Variants in IGF2R observed in about 807,000 individuals in gnomAD.
The protein encoded by IGF2R is insulin like growth factor 2 receptor, also known as cation-independent mannose-6-phosphate receptor.
In IGF2R, 91 loss-of-function variants were observed where a neutral mutation model predicts 270.6. The observed-to-expected ratio is 0.34, with a 90% CI of 0.28 to 0.40. The LOEUF is 0.40. Among genes scored for constraint, IGF2R ranks in the 10% least tolerant of loss-of-function variants. The pLI is 1.00. For synonymous variants in IGF2R, 1,316 were observed against 1,258.9 expected, an observed-to-expected ratio of 1.05 and a Z score of -0.96; for missense variants, 2,805 against 3,188.3, an observed-to-expected ratio of 0.88 and a Z score of 2.90.
chr6:160,033,572 C>T (rs773214945), intron 9 of IGF2R, among the ~76,000 whole-genome samples: 7 of 152,342 alleles, frequency 4.6e-5, no homozygotes, highest in South Asian at 2.1e-4. Context: ...GGCAAGTTGC[C>T]GTTTGTCACT....
At chr6:159,970,096 G>T (rs1037754912) in intron 1 of IGF2R, among the ~76,000 whole-genome samples, 1 of 152,054 alleles carries the variant, frequency 6.6e-6, no homozygotes, top group East Asian at 1.9e-4. Flanking sequence ...TTGTCTCCGG[G>T]GCGGATTATT....
At chr6:160,068,043 G>A (rs1210361859) in intron 29 of IGF2R, among the ~76,000 whole-genome samples, 8 of 149,246 alleles carry the variant, frequency 5.4e-5, no homozygotes, top group Non-Finnish European at 1.2e-4. Context: ...GGGAAGTTAT[G>A]TTGTTGCTGA....
chr6:160,049,385 G>C (rs1308304136), intron 18 of IGF2R, among the ~76,000 whole-genome samples: 1 of 152,170 alleles, frequency 6.6e-6, no homozygotes, highest in Non-Finnish European at 1.5e-5. Context: ...AATGTGCATA[G>C]TACCCGACAA....
At chr6:160,083,883 A>G in intron 39 of IGF2R, 67 bp from the exon 40 acceptor site, 2 of 1,078,270 alleles carry the variant, frequency 1.9e-6, no homozygotes, top group South Asian at 1.3e-5. Flanking sequence ...GGAGTCTCTT[A>G]TGTCTTCCCT....
In IGF2R at chr6:160,102,699, C is replaced by CG; in HGVS notation, c.6995+31dup. 6.4e-7 allele frequency: 1 copy of CG among 1,561,124 alleles called. No individual in the cohort carries two copies. The highest frequency in any genetic ancestry group is 8.7e-7 in the Non-Finnish European group (1 of 1,148,080). On this transcript the variant is annotated intron_variant, in intron 46 of 47. Transcript: ENST00000356956. The surrounding 1 kb of genome is among the most constrained non-coding windows in gnomAD (Gnocchi z 4.5). Reference sequence around the variant, plus strand: ...AAGCGGGTGGCAGGGCGAGGTGGGGCGGGTGGATGCATGCCTCCCATAGCT... The same window carrying CG: ...AAGCGGGTGGCAGGGCGAGGTGGGGCGGGGTGGATGCATGCCTCCCATAGCT...
At chr6:159,980,815 G>A (rs902040710) in intron 1 of IGF2R, among the ~76,000 whole-genome samples, 1 of 152,210 alleles carries the variant, frequency 6.6e-6, no homozygotes, top group Admixed American at 6.5e-5. Context: ...TGCGCTGGGG[G>A]CTGGATTGTC....
At chr6:160,057,232 G>A (rs560400686) in intron 20 of IGF2R, among the ~76,000 whole-genome samples, 87 of 152,284 alleles carry the variant, frequency 5.7e-4, no homozygotes, top group African/African-American at 1.9e-3. Context: ...CCTTCTGCCC[G>A]GGTCCATGCC....
At chr6:160,017,346 T>C (rs1010233119) in intron 4 of IGF2R, among the ~76,000 whole-genome samples, 2 of 152,234 alleles carry the variant, frequency 1.3e-5, no homozygotes, top group African/African-American at 4.8e-5. Flanking sequence ...ATGAACGAAG[T>C]GTTTGAGAAA....
At chr6:160,047,931 T>C in intron 17 of IGF2R, 24 bp downstream of exon 17, 2 of 1,465,476 alleles carry the variant, frequency 1.4e-6, no homozygotes, top group Non-Finnish European at 1.9e-6. Context: ...AGCTGCTCTG[T>C]TTTTGGCCTG....
In IGF2R at chr6:160,040,543, C is replaced by T. The variant is rs1343806558; in HGVS notation, c.1316-17C>T. On this transcript the variant is annotated splice_polypyrimidine_tract_variant and intron_variant, in intron 10 of 47. Coordinates refer to ENST00000356956, the MANE Select transcript of IGF2R (RefSeq NM_000876.4). ...GGTCACGTATGGAGTTTAAATTTCT[C>T]CTCTTGAATTGTGCAGGTAACGATG... is the stretch of plus-strand genomic sequence containing the variant. The T allele has an allele frequency of 1.2e-6, 2 of 1,612,608 alleles. No individual in the cohort carries two copies. The highest frequency in any genetic ancestry group is 2.2e-5 in the South Asian group (2 of 90,946).
At chr6:160,015,106 A>G (rs1471668291) in intron 4 of IGF2R, among the ~76,000 whole-genome samples, 1 of 152,238 alleles carries the variant, frequency 6.6e-6, no homozygotes, top group East Asian at 1.9e-4. Flanking sequence ...TTAGTGGGTT[A>G]GAGCATTCCT....
chr6:160,027,203 G>C lies in IGF2R; in HGVS notation c.665G>C (p.Gly222Ala). 1 of 1,614,222 alleles carries C rather than the reference G, an allele frequency of 6.2e-7. No individual in the cohort carries two copies. Among genetic ancestry groups the C allele is most frequent in the African/African-American group, 1.3e-5 (1 of 75,068 alleles). The change falls in exon 6 of 48, where the codon GGT becomes GCT. Residue 222 changes from glycine (G) to alanine (A), a missense_variant. Gly to Ala is a moderately conservative substitution (Grantham distance 60). Coordinates refer to ENST00000356956, the MANE Select transcript of IGF2R (RefSeq NM_000876.4). The part of the protein sequence containing the change: ...CRDIDTLRDP[G>A]SQLRACPPGT... ...TTTTCAGACACACTACGAGACCCAG[G>C]TTCACAGCTGCGGGCCTGTCCCCCC...
chr6:160,010,853 G>T (rs779673622), intron 4 of IGF2R, 68 bp downstream of exon 4: 35 of 889,910 alleles, frequency 3.9e-5, no homozygotes, highest in African/African-American at 6.7e-5. Context: ...TTCAAATACT[G>T]ATTCTAACCT....
intron 42 of IGF2R, 131 bp from the exon 43 acceptor site, chr6:160,088,976 A>G (rs995197424): frequency 1.2e-5 from 11 of 900,592 alleles, no homozygotes; most frequent in African/African-American, 3.4e-5. Context: ...TCGGGACCCA[A>G]CTGAAGTCTC....
Position 160,084,273 on chromosome 6 carries a change from C to G in IGF2R, c.6068+89C>G. 1.3e-6 allele frequency: 1 copy of G among 774,866 alleles called. No homozygotes were observed. Among genetic ancestry groups the G allele is most frequent in the Non-Finnish European group, 2.2e-6 (1 of 452,670 alleles). 48.0% of individuals were successfully genotyped at this position (774,866 alleles called of 1,614,324 possible). ...ACGATGGTTGGCTCTTTTGGGTTCT[C>G]AAGATGGGAATACTATGCCCATGTG... On this transcript the variant is annotated intron_variant, in intron 40 of 47. Coordinates refer to ENST00000356956, the MANE Select transcript of IGF2R (RefSeq NM_000876.4). This position sits in a 1 kb window ranked among gnomAD's most constrained non-coding sequence, Gnocchi z 4.6.
At chr6:160,073,494 G>A in intron 34 of IGF2R, 25 bp downstream of exon 34, 1 of 1,612,278 alleles carries the variant, frequency 6.2e-7, no homozygotes, top group African/African-American at 1.3e-5. Flanking sequence ...GGGCACGGGA[G>A]AAGTGCATGT....
intron 47 of IGF2R, 26 bp from the exon 48 acceptor site, chr6:160,104,648 T>C: frequency 6.3e-7 from 1 of 1,596,356 alleles, no homozygotes; most frequent in Non-Finnish European, 8.5e-7. Context: ...GGGGCTCACG[T>C]GGTCTCTGCT....
In IGF2R at chr6:160,104,878, G is replaced by A. The variant is rs892663695; in HGVS notation, c.7270G>A (p.Gly2424Ser). The change falls in exon 48 of 48, where the codon GGC (glycine) becomes AGC (serine). Residue 2424 changes from glycine (G) to serine (S), a missense_variant. Transcript: ENST00000356956. ...CATCCCAGAGGTGAAAGTTCACTCG[G>A]GCAGGGGAGCTGGGGCAGAGAGCTC... ...LTIPEVKVHS[G>S]RGAGAESSHP... 5 of 1,614,076 alleles carry A rather than the reference G, an allele frequency of 3.1e-6. No homozygotes were observed. The African/African-American group carries it at 6.7e-5, about 22-fold the overall frequency.
intron 1 of IGF2R, among the ~76,000 whole-genome samples, chr6:159,987,595 C>T (rs609043): frequency 0.83 from 125,653 of 152,142 alleles, 52,476 homozygotes; most frequent in East Asian, 0.99. Context: ...TTTCACCATA[C>T]TGGTCAGGCT....
Sources: allele counts gnomAD v4.1 joint callset (sites outside exome capture counted in the v4.1 genomes callset), GRCh38; gene constraint gnomAD v4.1.1; non-coding constraint Gnocchi (gnomAD v3.1); transcripts MANE v1.5; gene names NCBI Gene and HGNC (gene_info 2026-07-23, HGNC 2026-07-21).